Variants in RTN1 observed in about 807,000 individuals in gnomAD.
RTN1 encodes reticulon-1.
RTN1 carries 25 observed loss-of-function variants against 65.5 expected under a neutral mutation model. The observed-to-expected ratio is 0.38, with a 90% CI of 0.28 to 0.53. The LOEUF (loss-of-function observed/expected upper bound fraction) is 0.53, where lower values mean the gene tolerates loss of function less well. RTN1 is among the 20% of genes least tolerant of loss of function. The pLI is 0.79. For missense variants in RTN1, 983 were observed against 1,025.4 expected (o/e 0.96, Z 0.57); for synonymous variants, 471 against 447.6 (o/e 1.05, Z -0.66).
At chr14:59,833,213 C>T (rs771357770) in intron 1 of RTN1, among the ~76,000 whole-genome samples, 1 of 152,146 alleles carries the variant, frequency 6.6e-6, no homozygotes, top group Non-Finnish European at 1.5e-5. Flanking sequence ...TGATAAGATA[C>T]ATCTGGGTTA....
intron 1 of RTN1, among the ~76,000 whole-genome samples, chr14:59,839,379 T>C (rs1887270059): frequency 2.0e-5 from 3 of 152,226 alleles, no homozygotes; most frequent in Non-Finnish European, 4.4e-5. Context: ...ATAATGACTT[T>C]CATTTATTAT....
At chr14:59,671,378 TGGAA>T (rs906131685) in intron 3 of RTN1, among the ~76,000 whole-genome samples, 6 of 152,182 alleles carry the variant, frequency 3.9e-5, no homozygotes, top group African/African-American at 1.2e-4. Flanking sequence ...TCAGATAACA[TGGAA>T]GGAAGATTAC....
intron 1 of RTN1, among the ~76,000 whole-genome samples, chr14:59,771,615 T>C (rs1885960689): frequency 6.6e-6 from 1 of 152,210 alleles, no homozygotes; most frequent in African/African-American, 2.4e-5. Flanking sequence ...ATGAAAATAC[T>C]TCATAATAAA....
At chr14:59,599,235 T>C (rs889459948) in intron 8 of RTN1, among the ~76,000 whole-genome samples, 2 of 152,214 alleles carry the variant, frequency 1.3e-5, no homozygotes, top group Non-Finnish European at 2.9e-5. Flanking sequence ...TAAAGTTGAC[T>C]TTTTAGAAAC....
At chr14:59,742,760 T>C (rs1384935060) in intron 2 of RTN1, among the ~76,000 whole-genome samples, 1 of 152,208 alleles carries the variant, frequency 6.6e-6, no homozygotes, top group Non-Finnish European at 1.5e-5. Context: ...TCTCAATTTT[T>C]GTTTTCAATC....
chr14:59,865,238 A>C (rs1030247076), intron 1 of RTN1, among the ~76,000 whole-genome samples: 17 of 152,172 alleles, frequency 1.1e-4, no homozygotes, highest in Admixed American at 1.0e-3. Flanking sequence ...ATAAGTTTTA[A>C]GAATCCACCA....
At chr14:59,722,883 G>A (rs890769760) in intron 3 of RTN1, among the ~76,000 whole-genome samples, 6 of 150,968 alleles carry the variant, frequency 4.0e-5, no homozygotes, top group African/African-American at 9.8e-5. Context: ...CTGCAGGCCC[G>A]ACCTCCTGGG....
At chr14:59,661,881 G>A (rs943224172) in intron 3 of RTN1, among the ~76,000 whole-genome samples, 2 of 152,146 alleles carry the variant, frequency 1.3e-5, no homozygotes, top group East Asian at 3.8e-4. Context: ...ATTCAACATA[G>A]TGTTGGAAGT....
chr14:59,681,725 G>C (rs776432719), intron 3 of RTN1, among the ~76,000 whole-genome samples: 1 of 152,116 alleles, frequency 6.6e-6, no homozygotes, highest in African/African-American at 2.4e-5. Context: ...CATTTTCCCT[G>C]TATCACCTTC....
At chr14:59,660,102 A>G (rs943762001) in intron 3 of RTN1, among the ~76,000 whole-genome samples, 10 of 152,204 alleles carry the variant, frequency 6.6e-5, no homozygotes, top group African/African-American at 2.4e-4. Flanking sequence ...AGTCTCTGAT[A>G]AAACAGACTT....
chr14:59,657,118 C>A (rs1036290340), intron 3 of RTN1, among the ~76,000 whole-genome samples: 4 of 152,120 alleles, frequency 2.6e-5, no homozygotes, highest in Non-Finnish European at 4.4e-5. Context: ...CACAAAAAGT[C>A]ACAAAACAGG....
intron 1 of RTN1, among the ~76,000 whole-genome samples, chr14:59,833,511 A>G (rs557260887): frequency 1.6e-4 from 25 of 152,176 alleles, no homozygotes; most frequent in Non-Finnish European, 2.6e-4. Flanking sequence ...CACTAATTTT[A>G]TTTGAAAAAA....
intron 3 of RTN1, among the ~76,000 whole-genome samples, chr14:59,650,050 C>G (rs1882989617): frequency 6.6e-6 from 1 of 152,188 alleles, no homozygotes; most frequent in African/African-American, 2.4e-5. Context: ...CACATATACA[C>G]CATGGAATAC....
At chr14:59,669,528 C>A (rs1883455966) in intron 3 of RTN1, among the ~76,000 whole-genome samples, 1 of 151,880 alleles carries the variant, frequency 6.6e-6, no homozygotes, top group Admixed American at 6.6e-5. Flanking sequence ...ATGGATGCAG[C>A]AAATGAACAT....
intron 3 of RTN1, among the ~76,000 whole-genome samples, chr14:59,662,247 G>C (rs1468940405): frequency 6.6e-6 from 1 of 151,142 alleles, no homozygotes; most frequent in African/African-American, 2.4e-5. Context: ...TGCCATGTTG[G>C]TGTGCTGCAC....
intron 1 of RTN1, among the ~76,000 whole-genome samples, chr14:59,773,865 G>T: frequency 6.6e-6 from 1 of 152,124 alleles, no homozygotes. Flanking sequence ...AAAAAGAAAT[G>T]AATATTCAAC....
intron 1 of RTN1, among the ~76,000 whole-genome samples, chr14:59,763,558 A>T (rs1885791209): frequency 1.4e-5 from 2 of 140,538 alleles, no homozygotes. Flanking sequence ...TTTGAGACAG[A>T]GTCTCGCCCT....
At chr14:59,808,481 C>T (rs756765062) in intron 1 of RTN1, among the ~76,000 whole-genome samples, 2 of 152,134 alleles carry the variant, frequency 1.3e-5, no homozygotes, top group Non-Finnish European at 2.9e-5. Context: ...TTGACAAGCA[C>T]ATTATTAATT....
At chr14:59,769,677 C>T (rs560347977) in intron 1 of RTN1, among the ~76,000 whole-genome samples, 6 of 152,154 alleles carry the variant, frequency 3.9e-5, no homozygotes, top group Non-Finnish European at 7.3e-5. Context: ...TTTCTCTTTG[C>T]CTTTATCACG....
Sources: gnomAD v4.1 joint callset for allele counts (sites outside exome capture counted in the v4.1 genomes callset) on GRCh38, gnomAD v4.1.1 for gene constraint, MANE v1.5 for transcripts, NCBI Gene and HGNC (gene_info 2026-07-23, HGNC 2026-07-21) for gene names.